GREB1L: variants seen among roughly 807,000 people sequenced by gnomAD.
GREB1L encodes the protein GREB1 like retinoic acid receptor coactivator.
A neutral mutation model predicts 200.8 loss-of-function variants in GREB1L; 17 were observed. That is an observed-to-expected ratio of 0.08 (90% CI 0.06 to 0.13). The LOEUF (loss-of-function observed/expected upper bound fraction) is 0.13. Ranked by LOEUF, GREB1L falls within the 10% of genes least tolerant of loss-of-function variation. The probability of loss-of-function intolerance (pLI) is 1.00; values close to 1 mark genes in which losing one functional copy is unlikely to be tolerated. For synonymous variants in GREB1L, 789 were observed against 893.0 expected (o/e 0.88, Z 2.08); for missense variants, 1,657 against 2,367.7 (o/e 0.70, Z 6.23).
At position 21,374,086 on chromosome 18, in the gene GREB1L, C is replaced by T. The variant is rs188107117; in HGVS notation, c.-10+7950C>T. ...GCACAACCACACTTCACTGCAGCCT[C>T]CACCTCTCAGGCTCAAACAATTCTC... On this transcript the variant is annotated intron_variant, in intron 2 of 32. Transcript: ENST00000424526. 1.2e-3 allele frequency among the ~76,000 whole-genome samples: 185 copies of T among 152,232 alleles called. 1 individual carries two copies. The highest frequency in any genetic ancestry group is 4.2e-3 in the African/African-American group (176 of 41,536).
intron 7 of GREB1L, among the ~76,000 whole-genome samples, chr18:21,428,563 C>T (rs746598629): frequency 1.3e-5 from 2 of 149,840 alleles, no homozygotes; most frequent in African/African-American, 2.5e-5. Context: ...GGAATAACAG[C>T]GATAGATTTT....
Position 21,505,827 on chromosome 18 carries a change from A to C in GREB1L, c.4246A>C (p.Lys1416Gln), listed in dbSNP as rs951153479. 5.2e-6 allele frequency: 8 copies of C among 1,551,566 alleles called. No individual in the cohort carries two copies. The African/African-American group carries it at 1.1e-4, about 21-fold the overall frequency. ...ATACACAGAAGTGATAAAGGAATCC[A>C]AAGTTGAAGAGCCCAGGAAACGGGA... ...GVKQEVIKES[K>Q]VEEPRKRETV... Residue 1416 changes from lysine (K) to glutamine (Q), a missense_variant, in exon 25 of 33, where the codon AAA becomes CAA. Lys to Gln is a moderately conservative substitution (Grantham distance 53). Coordinates refer to ENST00000424526, the MANE Select transcript of GREB1L (RefSeq NM_001142966.3).
At position 21,320,399 on chromosome 18, in the gene GREB1L, A is replaced by C. The variant is rs1446499979; in HGVS notation, c.-119-45628A>C. ...CAAGAGCTTAAAGTGCAGATACAAG[A>C]GCTCAGGGACTATATGGCAAGTCAA... is the stretch of plus-strand genomic sequence containing the variant. On this transcript the variant is annotated intron_variant, in intron 1 of 32. Coordinates refer to ENST00000424526, the MANE Select transcript of GREB1L (RefSeq NM_001142966.3). Among the ~76,000 whole-genome samples, 3 of 152,212 alleles carry C rather than the reference A, an allele frequency of 2.0e-5. No homozygotes were observed. The East Asian group carries it at 5.8e-4, about 29-fold the overall frequency.
Position 21,508,392 on chromosome 18 carries a change from G to C in GREB1L, c.4536G>C (p.Leu1512Phe), listed in dbSNP as rs1212278540. The change falls in exon 27 of 33, where the codon TTG becomes TTC. Residue 1512 changes from leucine (L) to phenylalanine (F), a missense_variant. By Grantham distance (22) the Leu-to-Phe change is conservative (BLOSUM62 0). This residue lies in a region of GREB1L where 151 missense variants were observed against 309.6 expected (regional missense o/e 0.49). Coordinates refer to ENST00000424526, the MANE Select transcript of GREB1L (RefSeq NM_001142966.3). ...MRLPLVSDKN[L>F]NAVKSPIFTP... is the part of the protein sequence containing the mutation. Reference sequence around the variant, plus strand: ...GTTTTTTTCCCTTTCAGCAGAATTTGAATGCAGTCAAGAGCCCTATTTTCA... The same window carrying C: ...GTTTTTTTCCCTTTCAGCAGAATTTCAATGCAGTCAAGAGCCCTATTTTCA... The C allele has an allele frequency of 4.5e-6, 7 of 1,551,416 alleles. No individual in the cohort carries two copies. Among genetic ancestry groups the C allele is most frequent in the Non-Finnish European group, 6.1e-6 (7 of 1,146,886 alleles).
chr18:21,333,150 A>G (rs1005115917), intron 1 of GREB1L, among the ~76,000 whole-genome samples: 4 of 152,034 alleles, frequency 2.6e-5, no homozygotes, highest in Non-Finnish European at 5.9e-5. Context: ...AACTGGTTCT[A>G]GGCTAGGTAG....
chr18:21,248,603 A>T (rs2037646194), intron 1 of GREB1L, among the ~76,000 whole-genome samples: 1 of 152,252 alleles, frequency 6.6e-6, no homozygotes, highest in African/African-American at 2.4e-5. Flanking sequence ...AATGTTGGCA[A>T]TTGGATAAAT....
At chr18:21,390,924 C>T (rs1318203071) in intron 4 of GREB1L, among the ~76,000 whole-genome samples, 1 of 151,978 alleles carries the variant, frequency 6.6e-6, no homozygotes, top group Admixed American at 6.6e-5. Flanking sequence ...AGAAAGAAAA[C>T]GTTTTTATAC....
At chr18:21,440,531 C>T in intron 9 of GREB1L, 143 bp downstream of exon 9, 1 of 809,940 alleles carries the variant, frequency 1.2e-6, no homozygotes. Flanking sequence ...ATCACATTTG[C>T]CTTCCCTACA....
At chr18:21,496,360 A>G (rs567206006) in intron 20 of GREB1L, 94 bp from the exon 21 acceptor site, 329 of 1,360,520 alleles carry the variant, frequency 2.4e-4, no homozygotes, top group Non-Finnish European at 3.3e-4. Context: ...CTATGATTTT[A>G]ACTGCTGTGT....
chr18:21,486,954 G>A (rs1183428820), intron 18 of GREB1L, among the ~76,000 whole-genome samples: 1 of 152,190 alleles, frequency 6.6e-6, no homozygotes, highest in African/African-American at 2.4e-5. Context: ...ATTAAAATGA[G>A]GACCTATGGA....
intron 1 of GREB1L, among the ~76,000 whole-genome samples, chr18:21,255,716 A>G (rs765488550): frequency 6.6e-6 from 1 of 152,208 alleles, no homozygotes; most frequent in African/African-American, 2.4e-5. Flanking sequence ...TAGTTTATAT[A>G]TAAAGTTTTA....
chr18:21,419,400 T>TTTTTAGCAATATACAAA (rs1175126305), intron 7 of GREB1L, among the ~76,000 whole-genome samples: 1 of 152,198 alleles, frequency 6.6e-6, no homozygotes, highest in East Asian at 1.9e-4. Context: ...CAAATGTCAA[T>TTTTTAGCAATATACAAA]TGTATTTTTA....
intron 17 of GREB1L, 86 bp from the exon 18 acceptor site, chr18:21,485,534 G>A (rs2036093950): frequency 1.6e-6 from 2 of 1,248,864 alleles, no homozygotes; most frequent in African/African-American, 3.0e-5. Flanking sequence ...CTCTTACAGC[G>A]GTCATTTCTG....
chr18:21,510,326 GA>G (rs944531743), intron 27 of GREB1L, among the ~76,000 whole-genome samples: 5 of 151,818 alleles, frequency 3.3e-5, no homozygotes, highest in African/African-American at 9.7e-5. Context: ...TTCACCTTGT[GA>G]AACAGAAACT....
At position 21,319,058 on chromosome 18, in the gene GREB1L, A is replaced by G. The variant is rs117197638; in HGVS notation, c.-119-46969A>G. ...GTGGGCCTGGAGTCCCTCTTGGCCA[A>G]CAGTCAGGAAGAAAACCTAGATGTG... On this transcript the variant is annotated intron_variant, in intron 1 of 32. Transcript: ENST00000424526. Among the ~76,000 whole-genome samples, 1,285 of 152,340 alleles carry G rather than the reference A, an allele frequency of 8.4e-3. 4 individuals are homozygous for G. Among genetic ancestry groups the G allele is most frequent in the Middle Eastern group, 0.014 (4 of 294 alleles).
Position 21,518,881 on chromosome 18 carries a change from T to C in GREB1L, c.5472+647T>C, listed in dbSNP as rs529180556. Reference sequence around the variant, plus strand: ...AATGATTACTGTACTACATCCTCCTTGTAAAAAATGTTTTAAAATCATAAG... The same window carrying C: ...AATGATTACTGTACTACATCCTCCTCGTAAAAAATGTTTTAAAATCATAAG... On this transcript the variant is annotated intron_variant, in intron 31 of 32. Transcript: ENST00000424526. Among the ~76,000 whole-genome samples, 6 of 152,286 alleles carry C rather than the reference T, an allele frequency of 3.9e-5. No individual in the cohort carries two copies. In the East Asian group the frequency reaches 9.6e-4, roughly 24 times the overall value.
chr18:21,517,354 T>A (rs1245961531), intron 30 of GREB1L, among the ~76,000 whole-genome samples: 1 of 152,118 alleles, frequency 6.6e-6, no homozygotes, highest in African/African-American at 2.4e-5. Flanking sequence ...ATGGCAAACT[T>A]TACATTTTTA....
chr18:21,270,883 T>A (rs146488807), intron 1 of GREB1L, among the ~76,000 whole-genome samples: 9 of 152,318 alleles, frequency 5.9e-5, no homozygotes, highest in Non-Finnish European at 1.2e-4. Flanking sequence ...ATTGATTGTG[T>A]CATTTCATCC....
At chr18:21,520,064 G>A (rs1310860818) in intron 31 of GREB1L, among the ~76,000 whole-genome samples, 2 of 152,022 alleles carry the variant, frequency 1.3e-5, no homozygotes, top group Non-Finnish European at 1.5e-5. Flanking sequence ...CGTCTCCTGA[G>A]TAGCTGGGAT....
Sources: allele counts gnomAD v4.1 joint callset (sites outside exome capture counted in the v4.1 genomes callset), GRCh38; gene constraint gnomAD v4.1.1; regional missense constraint gnomAD v4.1.1; transcripts MANE v1.5; gene names NCBI Gene and HGNC (gene_info 2026-07-23, HGNC 2026-07-21).